Variants in NUF2 observed in about 807,000 individuals in gnomAD.
NUF2 encodes the protein kinetochore protein Nuf2.
NUF2 carries 34 observed loss-of-function variants against 61.8 expected under a neutral mutation model. That is an observed-to-expected ratio of 0.55 (90% CI 0.42 to 0.73). The LOEUF is 0.73. Ranked by LOEUF, NUF2 falls within the 30% of genes least tolerant of loss-of-function variation. The probability of loss-of-function intolerance (pLI) is 0.00; values close to 1 mark genes in which losing one functional copy is unlikely to be tolerated. For synonymous variants in NUF2, 172 were observed against 181.6 expected (o/e 0.95, Z 0.42); for missense variants, 445 against 539.1 (o/e 0.83, Z 1.73).
chr1:163,344,935 G>A (rs987347245), intron 10 of NUF2, among the ~76,000 whole-genome samples: 2 of 152,040 alleles, frequency 1.3e-5, no homozygotes, highest in African/African-American at 2.4e-5. Context: ...AATAAATTTT[G>A]TATGTATTGA....
intron 9 of NUF2, 23 bp downstream of exon 9, chr1:163,340,449 A>G (rs771596016): frequency 5.1e-6 from 8 of 1,567,812 alleles, no homozygotes; most frequent in Admixed American, 1.7e-5. Context: ...TCTTTTCACT[A>G]GCATTTAAAG....
intron 13 of NUF2, among the ~76,000 whole-genome samples, chr1:163,350,167 T>C (rs1264133014): frequency 6.6e-6 from 1 of 151,286 alleles, no homozygotes; most frequent in Non-Finnish European, 1.5e-5. Context: ...CCAGGCGTGG[T>C]GGTGGGTGCC....
chr1:163,334,922 A>G (rs189963590), intron 5 of NUF2, among the ~76,000 whole-genome samples: 3 of 152,076 alleles, frequency 2.0e-5, no homozygotes, highest in East Asian at 3.9e-4. Context: ...TGACTGTACT[A>G]TGCCATTTTT....
At position 163,345,296 on chromosome 1, in the gene NUF2, G is replaced by A. The variant is rs115396517; in HGVS notation, c.808-382G>A. Among the ~76,000 whole-genome samples, 1,013 of 152,160 alleles carry A rather than the reference G, an allele frequency of 6.7e-3. 14 individuals carry two copies. The highest frequency in any genetic ancestry group is 0.023 in the African/African-American group (974 of 41,518). ...GTTTTTAAAAGAATTAGCTATAGTAGTCGTTATTATACAAATGAATGGGAA... is the reference window on the plus strand; with the variant it reads ...GTTTTTAAAAGAATTAGCTATAGTAATCGTTATTATACAAATGAATGGGAA... On this transcript the variant is annotated intron_variant, in intron 10 of 13. Coordinates refer to ENST00000271452, the MANE Select transcript of NUF2 (RefSeq NM_145697.3).
intron 13 of NUF2, among the ~76,000 whole-genome samples, chr1:163,352,046 C>T (rs894338826): frequency 6.6e-6 from 1 of 152,012 alleles, no homozygotes; most frequent in Non-Finnish European, 1.5e-5. Flanking sequence ...CTTTCTTTCC[C>T]TTTTCTTTTT....
At chr1:163,324,786 G>A (rs551182630) in intron 1 of NUF2, among the ~76,000 whole-genome samples, 11 of 151,988 alleles carry the variant, frequency 7.2e-5, no homozygotes, top group South Asian at 2.1e-4. Context: ...CTTACTTACC[G>A]GAATCTCACA....
intron 5 of NUF2, among the ~76,000 whole-genome samples, chr1:163,332,625 A>T (rs1185431428): frequency 6.6e-6 from 1 of 152,044 alleles, no homozygotes; most frequent in Non-Finnish European, 1.5e-5. Flanking sequence ...TCAGCTCATG[A>T]CCTTTCTGTC....
chr1:163,335,188 G>A (rs1215300696), intron 5 of NUF2, among the ~76,000 whole-genome samples: 1 of 152,078 alleles, frequency 6.6e-6, no homozygotes, highest in Non-Finnish European at 1.5e-5. Flanking sequence ...TCTTGACCTT[G>A]TGATCCGCCC....
Position 163,328,849 on chromosome 1 carries a change from C to A in NUF2, c.279C>A (p.Asp93Glu). Residue 93 changes from aspartate (D) to glutamate (E), a missense_variant, in exon 5 of 14, where the codon GAC becomes GAA. Coordinates refer to ENST00000271452, the MANE Select transcript of NUF2 (RefSeq NM_145697.3). Reference sequence around the variant, plus strand: ...CTTTTTGTACTTCATCTTCAAGGGACTCATTTTTGCCTATCTGCCGGGTGA... The same window carrying A: ...CTTTTTGTACTTCATCTTCAAGGGAATCATTTTTGCCTATCTGCCGGGTGA... ...LPFSNLVTHLDSFLPICRVND... is the reference protein window; with the variant it reads ...LPFSNLVTHLESFLPICRVND... 6.3e-7 allele frequency: 1 copy of A among 1,596,760 alleles called. No homozygotes were observed. The highest frequency in any genetic ancestry group is 8.6e-7 in the Non-Finnish European group (1 of 1,165,018).
At chr1:163,349,431 GTTTGA>G (rs1220300604) in intron 13 of NUF2, among the ~76,000 whole-genome samples, 2 of 151,922 alleles carry the variant, frequency 1.3e-5, no homozygotes, top group Non-Finnish European at 2.9e-5. Context: ...ATCTTTTGAA[GTTTGA>G]TTTATGTCTT....
At chr1:163,335,037 T>C (rs1650712310) in intron 5 of NUF2, among the ~76,000 whole-genome samples, 1 of 152,154 alleles carries the variant, frequency 6.6e-6, no homozygotes, top group Non-Finnish European at 1.5e-5. Context: ...TACTGCAACC[T>C]CCGCCTCCCA....
At chr1:163,324,215 A>G (rs1650337888) in intron 1 of NUF2, among the ~76,000 whole-genome samples, 1 of 152,128 alleles carries the variant, frequency 6.6e-6, no homozygotes, top group Non-Finnish European at 1.5e-5. Flanking sequence ...AGCTTTCTTC[A>G]TGTTTTTGAA....
At chr1:163,352,008 C>T (rs1651337200) in intron 13 of NUF2, among the ~76,000 whole-genome samples, 1 of 152,186 alleles carries the variant, frequency 6.6e-6, no homozygotes, top group African/African-American at 2.4e-5. Context: ...TTACATTCAA[C>T]ATTTTCCCAC....
At chr1:163,339,209 C>T (rs1381436840) in intron 7 of NUF2, 172 bp from the exon 8 acceptor site, 1 of 538,636 alleles carries the variant, frequency 1.9e-6, no homozygotes, top group Non-Finnish European at 3.3e-6. Flanking sequence ...TTTTTATTTT[C>T]TGCCTGTAGT....
rs1362643261 is a variant in NUF2 at position 163,336,764 on chromosome 1, A to G, written c.351A>G (p.Thr117=). ...TTTCTATTTTAGAAGCAAAACGGACAAGTCGGTTTTTAAGTGGCATTATCA... is the reference window on the plus strand; with the variant it reads ...TTTCTATTTTAGAAGCAAAACGGACGAGTCGGTTTTTAAGTGGCATTATCA... The part of the protein sequence containing the change: ...ADILCPKAKR[T]SRFLSGIINF... The change falls in exon 6 of 14, where the codon ACA becomes ACG. Residue 117 remains threonine, a synonymous_variant. Transcript: ENST00000271452. 3 of 1,609,654 alleles carry G rather than the reference A, an allele frequency of 1.9e-6. No homozygotes were observed. The highest frequency in any genetic ancestry group is 1.7e-5 in the Admixed American group (1 of 59,988).
At chr1:163,323,868 A>G (rs1462069319) in intron 1 of NUF2, among the ~76,000 whole-genome samples, 3 of 151,262 alleles carry the variant, frequency 2.0e-5, no homozygotes, top group Non-Finnish European at 4.4e-5. Flanking sequence ...GATGGTGACC[A>G]AAAAAAAAGA....
chr1:163,341,898 A>T (rs1650959283), intron 9 of NUF2, among the ~76,000 whole-genome samples: 1 of 152,130 alleles, frequency 6.6e-6, no homozygotes, highest in South Asian at 2.1e-4. Context: ...TGAAAGTGCC[A>T]GGATTACAGG....
chr1:163,328,240 T>C lies in NUF2; in HGVS notation c.211T>C (p.Ser71Pro), dbSNP rs981207040. ...TTATTGCATTTAGATGCCAGTGAAC[T>C]CTGAAGTCATGTATCCACATTTAAT... Reference protein sequence around the residue: ...LEHFYMMPVNSEVMYPHLMEG... With the variant: ...LEHFYMMPVNPEVMYPHLMEG... Residue 71 changes from serine (S) to proline (P), a missense_variant, in exon 4 of 14, where the codon TCT (serine) becomes CCT (proline). Coordinates refer to ENST00000271452, the MANE Select transcript of NUF2 (RefSeq NM_145697.3). The C allele has an allele frequency of 1.2e-6, 2 of 1,606,734 alleles. No homozygotes were observed.
chr1:163,336,956 C>A, intron 6 of NUF2, 108 bp downstream of exon 6: 1 of 680,936 alleles, frequency 1.5e-6, no homozygotes, highest in Non-Finnish European at 2.5e-6. Context: ...GCTGTATTGC[C>A]TTTAGAATTG....
Sources: allele counts gnomAD v4.1 joint callset (sites outside exome capture counted in the v4.1 genomes callset), GRCh38; gene constraint gnomAD v4.1.1; transcripts MANE v1.5; gene names NCBI Gene and HGNC (gene_info 2026-07-23, HGNC 2026-07-21).